Variants in ACP7 observed in about 807,000 individuals in gnomAD.
The protein encoded by ACP7 is acid phosphatase type 7.
A neutral mutation model predicts 60.6 loss-of-function variants in ACP7; 58 were observed. That is an observed-to-expected ratio of 0.96 (90% CI 0.77 to 1.19). The LOEUF (loss-of-function observed/expected upper bound fraction) is 1.19. Among genes scored for constraint, ACP7 ranks in the 50% most tolerant of loss-of-function variants. ACP7 has a pLI of 0.00. For synonymous variants in ACP7, 237 were observed against 232.6 expected, an observed-to-expected ratio of 1.02 and a Z score of -0.17; for missense variants, 574 against 596.2, an observed-to-expected ratio of 0.96 and a Z score of 0.39.
At chr19:39,106,891 T>C in intron 11 of ACP7, 56 bp from the exon 12 acceptor site, 4 of 1,603,876 alleles carry the variant, frequency 2.5e-6, no homozygotes, top group Non-Finnish European at 3.4e-6. Context: ...AGGTCATTTC[T>C]GCTTCCCCGC....
Position 39,085,349 on chromosome 19 carries a change from C to T in ACP7, c.80C>T (p.Ala27Val), listed in dbSNP as rs760599207. The change falls in exon 2 of 13, where the codon GCT (alanine) becomes GTT (valine). Residue 27 changes from alanine (A) to valine (V), a missense_variant. By Grantham distance (64) the Ala-to-Val change is moderately conservative. Transcript: ENST00000331256. ...FSLGVQGSLG[A>V]PSAAPEQVHL... ...TTGGGAGTCCAGGGGTCCCTGGGGG[C>T]TCCCAGCGCTGCCCCAGAGCAAGTC... is the stretch of plus-strand genomic sequence containing the variant. 3 of 1,613,572 alleles carry T rather than the reference C, an allele frequency of 1.9e-6. No individual in the cohort carries two copies. Among genetic ancestry groups the T allele is most frequent in the Non-Finnish European group, 2.5e-6 (3 of 1,179,722 alleles).
Position 39,100,956 on chromosome 19 carries a change from A to G in ACP7, c.815A>G (p.Asn272Ser), listed in dbSNP as rs1037621814. The G allele has an allele frequency of 3.3e-5, 54 of 1,613,138 alleles. No individual in the cohort carries two copies. The highest frequency in any genetic ancestry group is 4.2e-5 in the Non-Finnish European group (50 of 1,179,904). The stretch of plus-strand genomic sequence containing the variant: ...CTGGGCCCTTCTCCCTAGAAAGCCA[A>G]TAAGAACCGGGCAGCCCGGCCGTGG... Reference protein sequence around the residue: ...RWLESDLQKANKNRAARPWII... With the variant: ...RWLESDLQKASKNRAARPWII... The change falls in exon 8 of 13, where the codon AAT (asparagine) becomes AGT (serine). Residue 272 changes from asparagine (N) to serine (S), a missense_variant. By Grantham distance (46) the Asn-to-Ser change is conservative (BLOSUM62 1). Coordinates refer to ENST00000331256, the MANE Select transcript of ACP7 (RefSeq NM_001004318.3).
intron 5 of ACP7, 107 bp from the exon 6 acceptor site, chr19:39,100,473 G>A: frequency 1.2e-6 from 2 of 1,601,222 alleles, no homozygotes; most frequent in Non-Finnish European, 1.7e-6. Flanking sequence ...AAGAGGAGAT[G>A]GGGGTGGGCT....
At chr19:39,091,626 TA>T (rs2073205505) in intron 2 of ACP7, among the ~76,000 whole-genome samples, 1 of 152,162 alleles carries the variant, frequency 6.6e-6, no homozygotes, top group Non-Finnish European at 1.5e-5. Flanking sequence ...TGAATCTGTA[TA>T]AAAATTAATT....
At chr19:39,098,275 AAAAAGAAAAG>A (rs953000401) in intron 2 of ACP7, among the ~76,000 whole-genome samples, 173 bp from the exon 3 acceptor site, 9 of 126,702 alleles carry the variant, frequency 7.1e-5, no homozygotes, top group Non-Finnish European at 1.0e-4. Context: ...AAAAAAAAAA[AAAAAGAAAAG>A]AAAAGAAAAG....
intron 12 of ACP7, among the ~76,000 whole-genome samples, chr19:39,108,894 C>T (rs911975341): frequency 5.3e-5 from 8 of 152,052 alleles, no homozygotes; most frequent in African/African-American, 1.9e-4. Context: ...AATCTAAGCT[C>T]ACTGCAACCT....
chr19:39,094,498 G>A (rs1368315290), intron 2 of ACP7, among the ~76,000 whole-genome samples: 1 of 61,896 alleles, frequency 1.6e-5, no homozygotes, highest in Non-Finnish European at 3.6e-5. Context: ...GTGAGACTTA[G>A]TCTCAAAAAA....
At chr19:39,093,141 CTCCT>C (rs1470487829) in intron 2 of ACP7, among the ~76,000 whole-genome samples, 1 of 25,422 alleles carries the variant, frequency 3.9e-5, no homozygotes, top group African/African-American at 1.9e-4. Context: ...TCTTCCCTCA[CTCCT>C]TTCTTTCTTT....
At chr19:39,092,771 C>CT (rs67888880) in intron 2 of ACP7, among the ~76,000 whole-genome samples, 15,493 of 112,000 alleles carry the variant, frequency 0.14, 1,493 homozygotes, top group East Asian at 0.2. Context: ...TCCCATTCCT[C>CT]TTTTTTTTTT....
At position 39,107,085 on chromosome 19, in the gene ACP7, G is replaced by A; in HGVS notation, c.1251+1G>A. ...CATCCAGCAGGTGTCGGACGACCAG[G>A]TCAGTGAGGGGCAGGCCGAAGTCAC... is the stretch of plus-strand genomic sequence containing the variant. On this transcript the variant is annotated splice_donor_variant, in intron 12 of 12. Coordinates refer to ENST00000331256, the MANE Select transcript of ACP7 (RefSeq NM_001004318.3). LOFTEE classifies it high-confidence loss of function. 1.9e-6 allele frequency: 3 copies of A among 1,613,744 alleles called. No homozygotes were observed. Among genetic ancestry groups the A allele is most frequent in the South Asian group, 1.1e-5 (1 of 91,040 alleles).
intron 2 of ACP7, among the ~76,000 whole-genome samples, chr19:39,088,611 T>C (rs1438031978): frequency 6.6e-6 from 1 of 152,156 alleles, no homozygotes; most frequent in African/African-American, 2.4e-5. Flanking sequence ...GTAGGTACCA[T>C]TGCTACTCCC....
At chr19:39,090,964 T>C (rs1277540996) in intron 2 of ACP7, among the ~76,000 whole-genome samples, 2 of 151,986 alleles carry the variant, frequency 1.3e-5, no homozygotes, top group East Asian at 3.9e-4. Flanking sequence ...GGGTGAAAAA[T>C]CTGATGTTAT....
At position 39,101,501 on chromosome 19, in the gene ACP7, C is replaced by A. The variant is rs1454204065; in HGVS notation, c.1077C>A (p.Asn359Lys). ...GCAGCCGAGAGATGCCCTACACCAA[C>A]CCGCGAGGGCCTGTCCACATCATCA... is the stretch of plus-strand genomic sequence containing the variant. ...FNGSREMPYT[N>K]PRGPVHIITG... The change falls in exon 11 of 13, where the codon AAC becomes AAA. Residue 359 changes from asparagine to lysine, a missense_variant. Transcript: ENST00000331256. 1.2e-6 allele frequency: 2 copies of A among 1,614,156 alleles called. No individual in the cohort carries two copies. The highest frequency in any genetic ancestry group is 3.3e-5 in the Admixed American group (2 of 60,022).
At chr19:39,106,489 A>G (rs1326297190) in intron 11 of ACP7, among the ~76,000 whole-genome samples, 1 of 152,032 alleles carries the variant, frequency 6.6e-6, no homozygotes, top group Non-Finnish European at 1.5e-5. Flanking sequence ...CCTGGGACAA[A>G]TTGTTCAATT....
At position 39,101,524 on chromosome 19, in the gene ACP7, T is replaced by A. The variant is rs1266969438; in HGVS notation, c.1100T>A (p.Ile367Asn). ...YTNPRGPVHI[I>N]TGSAGCEERL... is the part of the protein sequence containing the mutation. ...AACCCGCGAGGGCCTGTCCACATCATCACAGGATCTGCTGTGAGCAGGGGG... is the reference window on the plus strand; with the variant it reads ...AACCCGCGAGGGCCTGTCCACATCAACACAGGATCTGCTGTGAGCAGGGGG... Residue 367 changes from isoleucine to asparagine, a missense_variant, in exon 11 of 13, where the codon ATC (isoleucine) becomes AAC (asparagine). Physicochemically the swap from Ile to Asn is moderately radical, Grantham distance 149 (BLOSUM62 -3). Transcript: ENST00000331256. 6.2e-7 allele frequency: 1 copy of A among 1,613,906 alleles called. No homozygotes were observed. The highest frequency in any genetic ancestry group is 1.3e-5 in the African/African-American group (1 of 74,916).
chr19:39,109,685 TAAAAAAAA>T (rs34682645), intron 12 of ACP7, among the ~76,000 whole-genome samples: 1 of 65,502 alleles, frequency 1.5e-5, no homozygotes, highest in Non-Finnish European at 2.6e-5. Flanking sequence ...AGACTCTGTC[TAAAAAAAA>T]AAAAAAAAAA....
intron 12 of ACP7, 53 bp downstream of exon 12, chr19:39,107,137 G>T: frequency 6.4e-7 from 1 of 1,561,954 alleles, no homozygotes; most frequent in South Asian, 1.2e-5. Flanking sequence ...GCCCCTCCAA[G>T]CAAATGAGCT....
chr19:39,107,212 C>T, intron 12 of ACP7, 128 bp downstream of exon 12: 5 of 1,054,782 alleles, frequency 4.7e-6, no homozygotes. Context: ...TTTGGTGGGG[C>T]TAAGGTATGA....
At chr19:39,102,765 T>TTCTTTCTTTCTC (rs1316628357) in intron 11 of ACP7, among the ~76,000 whole-genome samples, 38 of 107,338 alleles carry the variant, frequency 3.5e-4, no homozygotes, top group Admixed American at 3.2e-3. Flanking sequence ...CTTTCTTTCT[T>TTCTTTCTTTCTC]TCTCTCTCTC....
Sources: gnomAD v4.1 joint callset for allele counts (sites outside exome capture counted in the v4.1 genomes callset) on GRCh38, gnomAD v4.1.1 for gene constraint, MANE v1.5 for transcripts, NCBI Gene and HGNC (gene_info 2026-07-23, HGNC 2026-07-21) for gene names.